The following TIAM2 variants were observed in gnomAD, a reference collection of about 807,000 sequenced individuals.
The protein encoded by TIAM2 is TIAM Rac1 associated GEF 2.
Under a neutral mutation model 152.9 loss-of-function variants are expected in TIAM2, and 80 were observed. That is an observed-to-expected ratio of 0.52 (90% CI 0.44 to 0.63). The LOEUF is 0.63. Ranked by LOEUF, TIAM2 falls within the 30% of genes least tolerant of loss-of-function variation. The pLI is 0.00. For synonymous variants in TIAM2, 804 were observed against 838.0 expected, an observed-to-expected ratio of 0.96 and a Z score of 0.70; for missense variants, 1,965 against 2,120.1, an observed-to-expected ratio of 0.93 and a Z score of 1.44.
At position 155,230,082 on chromosome 6, in the gene TIAM2, A is replaced by G. The variant is rs374118189; in HGVS notation, c.3169-10448A>G. Among the ~76,000 whole-genome samples the G allele has an allele frequency of 2.6e-3, 390 of 152,066 alleles. 3 individuals are homozygous for G. The highest frequency in any genetic ancestry group is 8.8e-3 in the African/African-American group (364 of 41,464). Reference sequence around the variant, plus strand: ...TCACCAGGTGACACCTGTACCACCGAGAGTACAAATCCACCACATAGCCCA... The same window carrying G: ...TCACCAGGTGACACCTGTACCACCGGGAGTACAAATCCACCACATAGCCCA... On this transcript the variant is annotated intron_variant, in intron 15 of 26. Coordinates refer to ENST00000682666, the MANE Select transcript of TIAM2 (RefSeq NM_012454.4).
chr6:155,182,954 T>C lies in TIAM2; in HGVS notation c.2801-283T>C, dbSNP rs556628900. Reference sequence around the variant, plus strand: ...TCTAAATACTATACATTTTGGCCCTTTAATTCTTTTTTGTTTTTCTTATTT... The same window carrying C: ...TCTAAATACTATACATTTTGGCCCTCTAATTCTTTTTTGTTTTTCTTATTT... On this transcript the variant is annotated intron_variant, in intron 13 of 26. Coordinates refer to ENST00000682666, the MANE Select transcript of TIAM2 (RefSeq NM_012454.4). 1.1e-3 allele frequency among the ~76,000 whole-genome samples: 161 copies of C among 152,186 alleles called. 1 individual carries two copies. Among genetic ancestry groups the C allele is most frequent in the Non-Finnish European group, 1.9e-3 (128 of 68,028 alleles).
In TIAM2 at chr6:155,164,535, A is replaced by AGCCGCCC; in HGVS notation, c.2150_2156dup (p.Ser720ProfsTer25). ...CCCAAAGAGTCTCCTTGCAGCCGCC[A>AGCCGCCC]GCCGCCCCTCCAAGCTGGCCCTCGG... On this transcript the variant is annotated frameshift_variant, in exon 8 of 27. Transcript: ENST00000682666. LOFTEE classifies it high-confidence loss of function. 6.2e-7 allele frequency: 1 copy of AGCCGCCC among 1,614,110 alleles called. No homozygotes were observed. The highest frequency in any genetic ancestry group is 1.6e-4 in the Middle Eastern group (1 of 6,062).
chr6:155,109,056 T>G (rs183583682), intron 2 of TIAM2, among the ~76,000 whole-genome samples: 1,644 of 152,298 alleles, frequency 0.011, 16 homozygotes, highest in Non-Finnish European at 0.015. Flanking sequence ...CGATCTCAGC[T>G]CACTGCAAGC....
intron 4 of TIAM2, 32 bp downstream of exon 4, chr6:155,130,449 C>T (rs755070907): frequency 1.3e-6 from 2 of 1,573,210 alleles, no homozygotes; most frequent in South Asian, 1.2e-5. Flanking sequence ...GGGAAGGGTC[C>T]CCACAGTTTC....
chr6:155,019,342 AAAAG>A (rs1412265023), intron 1 of TIAM2, among the ~76,000 whole-genome samples: 1 of 152,148 alleles, frequency 6.6e-6, no homozygotes, highest in Non-Finnish European at 1.5e-5. Flanking sequence ...TAAAAAAAAG[AAAAG>A]AAAAAAAATA....
intron 1 of TIAM2, among the ~76,000 whole-genome samples, chr6:155,001,803 G>A (rs1259298827): frequency 2.6e-5 from 4 of 152,210 alleles, no homozygotes; most frequent in African/African-American, 9.7e-5. Context: ...CCATTACTAA[G>A]TGATTTCTTT....
intron 2 of TIAM2, among the ~76,000 whole-genome samples, chr6:155,093,939 A>T (rs2114983723): frequency 6.6e-6 from 1 of 152,244 alleles, no homozygotes; most frequent in East Asian, 1.9e-4. Flanking sequence ...TAGGATTGAC[A>T]ATTTTTGTGT....
chr6:155,254,330 T>C (rs1436568594), intron 25 of TIAM2, 89 bp from the exon 26 acceptor site: 2 of 1,532,138 alleles, frequency 1.3e-6, no homozygotes, highest in Non-Finnish European at 1.8e-6. Context: ...GTCCAGCAGG[T>C]GCAAGGCACA....
At chr6:155,143,094 T>G (rs1345171018) in intron 5 of TIAM2, among the ~76,000 whole-genome samples, 1 of 152,086 alleles carries the variant, frequency 6.6e-6, no homozygotes, top group Non-Finnish European at 1.5e-5. Context: ...GTTTCTTTCC[T>G]GTCAATGTGA....
chr6:155,022,137 C>T (rs1278520860), intron 1 of TIAM2, among the ~76,000 whole-genome samples: 1 of 152,108 alleles, frequency 6.6e-6, no homozygotes, highest in Admixed American at 6.6e-5. Context: ...ATATAGCTCT[C>T]ACAACTTGAT....
At chr6:155,179,555 A>T in intron 12 of TIAM2, 99 bp downstream of exon 12, 1 of 1,057,632 alleles carries the variant, frequency 9.5e-7, no homozygotes, top group Non-Finnish European at 1.4e-6. Flanking sequence ...TTACATTCAC[A>T]TTTTCAGAAT....
chr6:155,256,537 G>A lies in TIAM2; in HGVS notation c.4522G>A (p.Gly1508Ser), dbSNP rs114696942. ...GAATTCCTCCAGCAACGAGTGGACC[G>A]GTGAGACTGGCAAGGGAACCTTGCT... ...LKNSSSNEWT[G>S]ETGKGTLLDS... The change falls in exon 27 of 27, where the codon GGT (glycine) becomes AGT (serine). Residue 1508 changes from glycine (G) to serine (S), a missense_variant. Around this residue, in one of 3 missense-constraint regions of TIAM2, gnomAD observed 935 missense variants for 980.0 expected, o/e 0.95. Coordinates refer to ENST00000682666, the MANE Select transcript of TIAM2 (RefSeq NM_012454.4). The A allele has an allele frequency of 2.6e-4, 426 of 1,614,186 alleles. No homozygotes were observed. The East Asian group carries it at 7.3e-3, about 28-fold the overall frequency.
chr6:155,086,396 A>G (rs1778170874), intron 1 of TIAM2, among the ~76,000 whole-genome samples: 1 of 152,178 alleles, frequency 6.6e-6, no homozygotes, highest in African/African-American at 2.4e-5. Flanking sequence ...CCTGCTTAAA[A>G]TCATTTCCAT....
intron 9 of TIAM2, 32 bp downstream of exon 9, chr6:155,165,441 G>C (rs1286381848): frequency 6.3e-7 from 1 of 1,583,616 alleles, no homozygotes; most frequent in South Asian, 1.2e-5. Flanking sequence ...CAGCAGACTA[G>C]AGTGAAATTC....
chr6:155,049,255 A>G (rs1777270268), intron 1 of TIAM2, among the ~76,000 whole-genome samples: 1 of 152,110 alleles, frequency 6.6e-6, no homozygotes, highest in African/African-American at 2.4e-5. Context: ...GATGCGGAGC[A>G]CAGTGAGAGC....
At chr6:155,042,778 C>CT (rs1050386413) in intron 1 of TIAM2, among the ~76,000 whole-genome samples, 1 of 140,494 alleles carries the variant, frequency 7.1e-6, no homozygotes, top group African/African-American at 2.8e-5. Flanking sequence ...GGTGAGAACG[C>CT]TGAAAATCTA....
chr6:155,160,971 C>T (rs1449747866), intron 7 of TIAM2, among the ~76,000 whole-genome samples: 1 of 152,082 alleles, frequency 6.6e-6, no homozygotes, highest in Non-Finnish European at 1.5e-5. Flanking sequence ...ATCAAGACAA[C>T]AAACGTCTTG....
chr6:155,192,462 A>C (rs890338682), intron 14 of TIAM2, among the ~76,000 whole-genome samples: 1 of 152,172 alleles, frequency 6.6e-6, no homozygotes, highest in African/African-American at 2.4e-5. Context: ...TACTGTTAAA[A>C]ATTATTGAGG....
chr6:155,164,678 A>G (rs1013224283), intron 8 of TIAM2, 78 bp downstream of exon 8: 7 of 1,512,822 alleles, frequency 4.6e-6, no homozygotes, highest in African/African-American at 4.1e-5. Context: ...GCTTGTTGCC[A>G]TCGGCACTTG....
Sources: gnomAD v4.1 joint callset for allele counts (sites outside exome capture counted in the v4.1 genomes callset) on GRCh38, gnomAD v4.1.1 for gene constraint, gnomAD v4.1.1 regional missense constraint, MANE v1.5 for transcripts, NCBI Gene and HGNC (gene_info 2026-07-23, HGNC 2026-07-21) for gene names.